Variants in EPN1 observed in about 807,000 individuals in gnomAD.
EPN1 encodes epsin 1, also known as epsin-1.
EPN1 carries 25 observed loss-of-function variants against 56.9 expected under a neutral mutation model. The ratio of observed to expected loss-of-function variants is 0.44; its 90% CI spans 0.32 to 0.61. EPN1 has a LOEUF of 0.61. Ranked by LOEUF, EPN1 falls within the 20% of genes least tolerant of loss-of-function variation. EPN1 has a pLI of 0.05. For synonymous variants in EPN1, 411 were observed against 361.8 expected (o/e 1.14, Z -1.54); for missense variants, 785 against 823.7 (o/e 0.95, Z 0.58).
Position 55,704,501 on chromosome 19 carries a change from A to C in EPN1, c.*9145A>C, listed in dbSNP as rs989123316. 1 of 152,282 alleles carries C rather than the reference A, an allele frequency of 6.6e-6. No individual in the cohort carries two copies. Among genetic ancestry groups the C allele is most frequent in the Non-Finnish European group, 1.5e-5 (1 of 68,086 alleles). The allele number at this position is 152,282 out of a possible 1,614,324, so 9.4% of individuals were successfully genotyped here. On this transcript the variant is annotated 3_prime_UTR_variant, in exon 11 of 11. Coordinates refer to ENST00000270460, the MANE Select transcript of EPN1 (RefSeq NM_001130072.2). Reference sequence around the variant, plus strand: ...GAGCCAAGGAGAGAGGCCTTGGCGGAAGCCAACCCTGCAGCACCTTCATCT... The same window carrying C: ...GAGCCAAGGAGAGAGGCCTTGGCGGCAGCCAACCCTGCAGCACCTTCATCT...
rs1985483104 is a variant in EPN1 at position 55,677,028 on chromosome 19, A to G, written c.-101-1499A>G. The G allele has an allele frequency of 3.5e-5, 46 of 1,327,164 alleles. No individual in the cohort carries two copies. The South Asian group carries it at 6.3e-4, about 18-fold the overall frequency. The allele number at this position is 1,327,164 out of a possible 1,614,324, so 82.2% of individuals were successfully genotyped here. ...GACTCCAGAGAGTTACTTTTTAACT[A>G]GCTACATCTGTCTTCAGGTGCCTGG... On this transcript the variant is annotated intron_variant, in intron 1 of 10. Coordinates refer to ENST00000270460, the MANE Select transcript of EPN1 (RefSeq NM_001130072.2).
chr19:55,675,832 G>A (rs1170989817), intron 1 of EPN1, among the ~76,000 whole-genome samples: 2 of 152,104 alleles, frequency 1.3e-5, no homozygotes, highest in East Asian at 1.9e-4. Flanking sequence ...TTCCCTGCGG[G>A]CTTTTCTGCC....
At position 55,698,864 on chromosome 19, in the gene EPN1, G is replaced by C. The variant is rs773149562; in HGVS notation, c.*3508G>C. On this transcript the variant is annotated 3_prime_UTR_variant, in exon 11 of 11. Transcript: ENST00000270460. ...GGGTTCAAGCGATTCTCCTGCCTCA[G>C]CCTCTCGAGTAGCTGGGATTACAGG... 2 of 152,348 alleles carry C rather than the reference G, an allele frequency of 1.3e-5. No homozygotes were observed. The highest frequency in any genetic ancestry group is 1.5e-5 in the Non-Finnish European group (1 of 68,206). The allele number at this position is 152,348 out of a possible 1,614,324, so 9.4% of individuals were successfully genotyped here.
intron 1 of EPN1, chr19:55,677,146 C>G: frequency 6.4e-7 from 1 of 1,551,534 alleles, no homozygotes; most frequent in Non-Finnish European, 8.7e-7. Flanking sequence ...GAAAATCTCC[C>G]TCTGTGGCTT....
In EPN1 at chr19:55,691,813, C is replaced by A; in HGVS notation, c.822C>A (p.Asp274Glu). 6.2e-7 allele frequency: 1 copy of A among 1,610,950 alleles called. No individual in the cohort carries two copies. The highest frequency in any genetic ancestry group is 8.5e-7 in the Non-Finnish European group (1 of 1,177,956). The change falls in exon 7 of 11, where the codon GAC becomes GAA. Residue 274 changes from aspartate to glutamate, a missense_variant. Asp to Glu is a conservative substitution (Grantham distance 45, BLOSUM62 2). Coordinates refer to ENST00000270460, the MANE Select transcript of EPN1 (RefSeq NM_001130072.2). The surrounding 1 kb of genome is among the most constrained non-coding windows in gnomAD (Gnocchi z 5.6). ...CCCCAGCTCCTGCCCCGACCACAGA[C>A]CCCTGGGGGGGCCCAGCACCCATGG... is the stretch of plus-strand genomic sequence containing the variant. ...FTAPAPAPTT[D>E]PWGGPAPMAA...
rs1465638665 is a variant in EPN1, at chr19:55,704,891, TC to T, written c.*9537del. 1.3e-5 allele frequency: 2 copies of T among 152,362 alleles called. No homozygotes were observed. Among genetic ancestry groups the T allele is most frequent in the African/African-American group, 4.8e-5 (2 of 41,462 alleles). The allele number at this position is 152,362 out of a possible 1,614,324, so 9.4% of individuals were successfully genotyped here. On this transcript the variant is annotated 3_prime_UTR_variant, in exon 11 of 11. Transcript: ENST00000270460. ...CCTGGGAAATAAGCATCGCAAGTGA[TC>T]CGTAGAATGGTAGACATCATCCACT... is the stretch of plus-strand genomic sequence containing the variant.
At position 55,701,355 on chromosome 19, in the gene EPN1, A is replaced by G. The variant is rs547306984; in HGVS notation, c.*5999A>G. 6.6e-5 allele frequency: 10 copies of G among 151,850 alleles called. No individual in the cohort carries two copies. Among genetic ancestry groups the G allele is most frequent in the African/African-American group, 2.2e-4 (9 of 41,352 alleles). 9.4% of individuals were successfully genotyped at this position (151,850 alleles called of 1,614,324 possible). On this transcript the variant is annotated 3_prime_UTR_variant, in exon 11 of 11. Coordinates refer to ENST00000270460, the MANE Select transcript of EPN1 (RefSeq NM_001130072.2). ...TCCCAGCTACTTAGGAGGCTGAGGC[A>G]GGAGAATCGCTTGAACCCAGGAGGC...
In EPN1 at chr19:55,702,972, T is replaced by A. The variant is rs1987218303; in HGVS notation, c.*7616T>A. On this transcript the variant is annotated 3_prime_UTR_variant, in exon 11 of 11. Coordinates refer to ENST00000270460, the MANE Select transcript of EPN1 (RefSeq NM_001130072.2). ...ACCACGCCCGGCTAAGCTAATTTTT[T>A]GTATTGTTAGTAGAGACGGGGTTTC... 6.6e-6 allele frequency: 1 copy of A among 152,040 alleles called. No individual in the cohort carries two copies. The highest frequency in any genetic ancestry group is 2.1e-4 in the South Asian group (1 of 4,824). 9.4% of individuals were successfully genotyped at this position (152,040 alleles called of 1,614,324 possible). A position where few individuals can be genotyped will look rare whatever the true frequency, so the allele number is the denominator to read the frequency against.
chr19:55,691,922 C>G lies in EPN1; in HGVS notation c.931C>G (p.Pro311Ala), dbSNP rs534258974. The G allele has an allele frequency of 3.8e-6, 6 of 1,565,024 alleles. No individual in the cohort carries two copies. The highest frequency in any genetic ancestry group is 2.7e-5 in the African/African-American group (2 of 73,498). ...VPPAADPWGG[P>A]APTPASGDPW... Reference sequence around the variant, plus strand: ...TCCAGCTGCTGATCCCTGGGGAGGTCCAGCCCCCACGCCGGCCTCTGGGGA... The same window carrying G: ...TCCAGCTGCTGATCCCTGGGGAGGTGCAGCCCCCACGCCGGCCTCTGGGGA... The change falls in exon 7 of 11, where the codon CCA becomes GCA. Residue 311 changes from proline (P) to alanine (A), a missense_variant. By Grantham distance (27) the Pro-to-Ala change is conservative (BLOSUM62 -1). Coordinates refer to ENST00000270460, the MANE Select transcript of EPN1 (RefSeq NM_001130072.2). The surrounding 1 kb of genome is among the most constrained non-coding windows in gnomAD (Gnocchi z 5.6).
rs1330627815 is a variant in EPN1 at position 55,675,274 on chromosome 19, C to T, written c.-263C>T. 1.3e-5 allele frequency: 2 copies of T among 152,124 alleles called. No homozygotes were observed. Among genetic ancestry groups the T allele is most frequent in the Non-Finnish European group, 1.5e-5 (1 of 67,946 alleles). 9.4% of individuals were successfully genotyped at this position (152,124 alleles called of 1,614,324 possible). ...GGCTCCCCTCCCCCGCCCGGCTCTCCGCGCCCCTTCTGGGCGGCGGGGCGG... is the reference window on the plus strand; with the variant it reads ...GGCTCCCCTCCCCCGCCCGGCTCTCTGCGCCCCTTCTGGGCGGCGGGGCGG... On this transcript the variant is annotated 5_prime_UTR_variant, in exon 1 of 11. Coordinates refer to ENST00000270460, the MANE Select transcript of EPN1 (RefSeq NM_001130072.2).
rs1007928485 is a variant in EPN1, at chr19:55,705,807, G to A, written c.*10451G>A. On this transcript the variant is annotated 3_prime_UTR_variant, in exon 11 of 11. Coordinates refer to ENST00000270460, the MANE Select transcript of EPN1 (RefSeq NM_001130072.2). ...TGTGGCTGGAATATTTGTTGTTGTG[G>A]GATATATATATATATATATATTTAG... is the stretch of plus-strand genomic sequence containing the variant. The A allele has an allele frequency of 1.5e-5, 1 of 65,454 alleles. No homozygotes were observed. The highest frequency in any genetic ancestry group is 9.3e-5 in the African/African-American group (1 of 10,754). 4.1% of individuals were successfully genotyped at this position (65,454 alleles called of 1,614,324 possible). A position where few individuals can be genotyped will look rare whatever the true frequency, so the allele number is the denominator to read the frequency against.
In EPN1 at chr19:55,702,483, C is replaced by T. The variant is rs968510430; in HGVS notation, c.*7127C>T. 6.6e-6 allele frequency: 1 copy of T among 152,210 alleles called. No individual in the cohort carries two copies. Among genetic ancestry groups the T allele is most frequent in the Non-Finnish European group, 1.5e-5 (1 of 68,058 alleles). The allele number at this position is 152,210 out of a possible 1,614,324, so 9.4% of individuals were successfully genotyped here. ...GCCCACTGTTTTCACTGGGGCCCAT[C>T]TATGTATGTGGCTTGGTGATTACCC... On this transcript the variant is annotated 3_prime_UTR_variant, in exon 11 of 11. Coordinates refer to ENST00000270460, the MANE Select transcript of EPN1 (RefSeq NM_001130072.2).
rs776365506 is a variant in EPN1 at position 55,691,809 on chromosome 19, C to T, written c.818C>T (p.Thr273Ile). The T allele has an allele frequency of 4.3e-6, 7 of 1,612,496 alleles. No homozygotes were observed. The highest frequency in any genetic ancestry group is 1.3e-5 in the African/African-American group (1 of 74,918). Residue 273 changes from threonine (T) to isoleucine (I), a missense_variant, in exon 7 of 11, where the codon ACA (threonine) becomes ATA (isoleucine). Around this residue, in one of 2 missense-constraint regions of EPN1, gnomAD observed 650 missense variants for 605.0 expected, o/e 1.07. Coordinates refer to ENST00000270460, the MANE Select transcript of EPN1 (RefSeq NM_001130072.2). This position sits in a 1 kb window ranked among gnomAD's most constrained non-coding sequence, Gnocchi z 5.6. ...ACGGCCCCAGCTCCTGCCCCGACCACAGACCCCTGGGGGGGCCCAGCACCC... is the reference window on the plus strand; with the variant it reads ...ACGGCCCCAGCTCCTGCCCCGACCATAGACCCCTGGGGGGGCCCAGCACCC... ...VFTAPAPAPT[T>I]DPWGGPAPMA...
intron 7 of EPN1, 55 bp downstream of exon 7, chr19:55,692,112 G>A: frequency 7.3e-7 from 1 of 1,373,294 alleles, no homozygotes; most frequent in Non-Finnish European, 9.4e-7. Flanking sequence ...ACCTGTCTTT[G>A]GTTGACTGTG....
In EPN1 at chr19:55,704,746, C is replaced by G. The variant is rs1025472410; in HGVS notation, c.*9390C>G. Reference sequence around the variant, plus strand: ...CCCTGGAGGGTCCTGCCACCTACATCTCTCTCCTTGGCCTGCCGCCTGTGA... The same window carrying G: ...CCCTGGAGGGTCCTGCCACCTACATGTCTCTCCTTGGCCTGCCGCCTGTGA... On this transcript the variant is annotated 3_prime_UTR_variant, in exon 11 of 11. Coordinates refer to ENST00000270460, the MANE Select transcript of EPN1 (RefSeq NM_001130072.2). The G allele has an allele frequency of 7.2e-5, 11 of 152,826 alleles. No individual in the cohort carries two copies. The highest frequency in any genetic ancestry group is 2.7e-4 in the African/African-American group (11 of 41,468). 9.5% of individuals were successfully genotyped at this position (152,826 alleles called of 1,614,324 possible). A position where few individuals can be genotyped will look rare whatever the true frequency, so the allele number is the denominator to read the frequency against.
At position 55,708,929 on chromosome 19, in the gene EPN1, T is replaced by C; in HGVS notation, c.*13573T>C. 6.4e-7 allele frequency: 1 copy of C among 1,559,982 alleles called. No homozygotes were observed. Among genetic ancestry groups the C allele is most frequent in the East Asian group, 2.4e-5 (1 of 41,018 alleles). On this transcript the variant is annotated 3_prime_UTR_variant, in exon 11 of 11. Transcript: ENST00000270460. Reference sequence around the variant, plus strand: ...GTTCCCCATCAGAGGAGCACACCCCTGATCTTGTATTCCTCGTCAATCCAA... The same window carrying C: ...GTTCCCCATCAGAGGAGCACACCCCCGATCTTGTATTCCTCGTCAATCCAA...
rs1433948369 is a variant in EPN1 at position 55,695,552 on chromosome 19, G to A, written c.*196G>A. The A allele has an allele frequency of 5.2e-6, 3 of 580,506 alleles. No homozygotes were observed. The highest frequency in any genetic ancestry group is 1.9e-5 in the African/African-American group (1 of 53,342). 36.0% of individuals were successfully genotyped at this position (580,506 alleles called of 1,614,324 possible). A position where few individuals can be genotyped will look rare whatever the true frequency, so the allele number is the denominator to read the frequency against. ...GAAACTGGACATGGGGCCTGGGGAG[G>A]GGAGCTGGCCAGAGGAGGACCCCTT... is the stretch of plus-strand genomic sequence containing the variant. On this transcript the variant is annotated 3_prime_UTR_variant, in exon 11 of 11. Coordinates refer to ENST00000270460, the MANE Select transcript of EPN1 (RefSeq NM_001130072.2). This position sits in a 1 kb window ranked among gnomAD's most constrained non-coding sequence, Gnocchi z 4.4.
rs1987433198 is a variant in EPN1, at chr19:55,706,658, AAAG to A, written c.*11305_*11307del. 7.9e-6 allele frequency: 1 copy of A among 127,054 alleles called. No individual in the cohort carries two copies. Among genetic ancestry groups the A allele is most frequent in the African/African-American group, 3.7e-5 (1 of 27,324 alleles). 7.9% of individuals were successfully genotyped at this position (127,054 alleles called of 1,614,324 possible). A position where few individuals can be genotyped will look rare whatever the true frequency, so the allele number is the denominator to read the frequency against. ...GAGGGAAGGGGAAGGAAAAGGAAAGAAAGAAAAGAGGGGAAGGGAAGGGAGAGA... is the reference window on the plus strand; with the variant it reads ...GAGGGAAGGGGAAGGAAAAGGAAAGAAAAAGAGGGGAAGGGAAGGGAGAGA... On this transcript the variant is annotated 3_prime_UTR_variant, in exon 11 of 11. Transcript: ENST00000270460.
rs145660626 is a variant in EPN1, at chr19:55,691,373, C to T, written c.763-381C>T. 2.2e-3 allele frequency among the ~76,000 whole-genome samples: 330 copies of T among 152,056 alleles called. 2 individuals carry two copies. Among genetic ancestry groups the T allele is most frequent in the South Asian group, 9.8e-3 (47 of 4,818 alleles). The stretch of plus-strand genomic sequence containing the variant: ...AAGGCACGGTGGGCAGAGGGAGGAT[C>T]GAGCTGCTTCGGGTCGAGCGAGGGG... On this transcript the variant is annotated intron_variant, in intron 6 of 10. Transcript: ENST00000270460. The surrounding 1 kb of genome is among the most constrained non-coding windows in gnomAD (Gnocchi z 5.6).
Sources: allele counts gnomAD v4.1 joint callset (sites outside exome capture counted in the v4.1 genomes callset), GRCh38; gene constraint gnomAD v4.1.1; regional missense constraint gnomAD v4.1.1; non-coding constraint Gnocchi (gnomAD v3.1); transcripts MANE v1.5; gene names NCBI Gene and HGNC (gene_info 2026-07-23, HGNC 2026-07-21).